The following TENM3 variants were observed in gnomAD, a reference collection of about 807,000 sequenced individuals.
TENM3 encodes teneurin-3.
In TENM3, 63 loss-of-function variants were observed where a neutral mutation model predicts 255.1. The ratio of observed to expected loss-of-function variants is 0.25; its 90% CI spans 0.20 to 0.30. The LOEUF (loss-of-function observed/expected upper bound fraction) is 0.30, where lower values mean the gene tolerates loss of function less well. Among genes scored for constraint, TENM3 ranks in the 10% least tolerant of loss-of-function variants. The pLI is 1.00. For missense variants in TENM3, 2,929 were observed against 3,461.1 expected (o/e 0.85, Z 3.86); for synonymous variants, 1,306 against 1,322.3 (o/e 0.99, Z 0.27).
At chr4:181,788,247 C>A in the TENM3 span, among the ~76,000 whole-genome samples, 2 of 152,090 alleles carry the variant, frequency 1.3e-5, no homozygotes, top group Non-Finnish European at 2.9e-5. Flanking sequence ...CCTTATTTGC[C>A]TCTGATCTTG....
chr4:181,592,626 C>G, the TENM3 span, among the ~76,000 whole-genome samples: 1 of 147,870 alleles, frequency 6.8e-6, no homozygotes. Context: ...AGTCAAGTCT[C>G]TGAAGTTACT....
At chr4:182,685,684 C>G (rs1756516968) in intron 11 of TENM3, among the ~76,000 whole-genome samples, 2 of 151,960 alleles carry the variant, frequency 1.3e-5, no homozygotes, top group South Asian at 2.1e-4. Context: ...TCTCTTAGGC[C>G]TCCATCAGTA....
At chr4:181,594,644 C>T in the TENM3 span, among the ~76,000 whole-genome samples, 3 of 152,150 alleles carry the variant, frequency 2.0e-5, no homozygotes, top group Non-Finnish European at 4.4e-5. Flanking sequence ...TCAACGGGTT[C>T]CATGGTTCTT....
the TENM3 span, among the ~76,000 whole-genome samples, chr4:181,702,513 T>G: frequency 6.6e-6 from 1 of 152,186 alleles, no homozygotes; most frequent in Admixed American, 6.5e-5. Flanking sequence ...TTTGTCAGAA[T>G]GGAGAAAGTA....
At chr4:181,615,100 A>G in the TENM3 span, among the ~76,000 whole-genome samples, 2 of 152,158 alleles carry the variant, frequency 1.3e-5, no homozygotes, top group Non-Finnish European at 2.9e-5. Flanking sequence ...ATTTGTGAAC[A>G]TTTGTATTTA....
rs1764577269 is a variant in TENM3, at chr4:182,775,133, G to A, written c.5284G>A (p.Val1762Ile). The A allele has an allele frequency of 6.2e-7, 1 of 1,613,926 alleles. No homozygotes were observed. Among genetic ancestry groups the A allele is most frequent in the South Asian group, 1.1e-5 (1 of 91,088 alleles). Residue 1762 changes from valine (V) to isoleucine (I), a missense_variant, in exon 24 of 28, where the codon GTC (valine) becomes ATC (isoleucine). Physicochemically the swap from Val to Ile is conservative, Grantham distance 29. This residue lies in a region of TENM3 where 303 missense variants were observed against 425.2 expected (regional missense o/e 0.71). Transcript: ENST00000511685. ...RKEQAQGKVNVFGRKLRVNGR... is the reference protein window; with the variant it reads ...RKEQAQGKVNIFGRKLRVNGR... ...AGAGCAAGCCCAAGGGAAAGTCAAT[G>A]TCTTTGGCCGCAAGCTCAGGGTACG...
At chr4:182,140,517 G>A (rs1032696238), upstream of TENM3, among the ~76,000 whole-genome samples, 5 of 151,998 alleles carry the variant, frequency 3.3e-5, no homozygotes, top group African/African-American at 1.2e-4. Flanking sequence ...CAGACAGGCC[G>A]CTCATGCCTC....
At chr4:182,169,606 C>T (rs961995153) in intron 1 of TENM3, among the ~76,000 whole-genome samples, 2 of 152,184 alleles carry the variant, frequency 1.3e-5, no homozygotes. Context: ...TAATGAGAAA[C>T]GTGTGACTCT....
At chr4:182,139,475 T>A (rs1442219724), upstream of TENM3, among the ~76,000 whole-genome samples, 2 of 152,190 alleles carry the variant, frequency 1.3e-5, no homozygotes, top group East Asian at 1.9e-4. Context: ...GACTAAAAAA[T>A]TGTCCTGTAG....
the TENM3 span, among the ~76,000 whole-genome samples, chr4:181,636,333 G>A: frequency 2.0e-5 from 3 of 152,092 alleles, no homozygotes; most frequent in African/African-American, 4.8e-5. Context: ...GTGAGCCACC[G>A]CCCATGGCCA....
intron 3 of TENM3, among the ~76,000 whole-genome samples, chr4:182,399,714 A>T (rs1769098709): frequency 6.6e-6 from 1 of 152,226 alleles, no homozygotes; most frequent in African/African-American, 2.4e-5. Context: ...GATGAAAAAC[A>T]TACCCCAAAC....
At chr4:182,763,983 A>T (rs975450530) in intron 22 of TENM3, among the ~76,000 whole-genome samples, 2 of 152,226 alleles carry the variant, frequency 1.3e-5, no homozygotes, top group African/African-American at 4.8e-5. Flanking sequence ...TTAATGTTTA[A>T]AGTGTACCCC....
At chr4:181,874,285 T>A in the TENM3 span, among the ~76,000 whole-genome samples, 1 of 152,240 alleles carries the variant, frequency 6.6e-6, no homozygotes, top group Non-Finnish European at 1.5e-5. Flanking sequence ...ATTTTCTTTA[T>A]TTTTTATCTA....
intron 3 of TENM3, among the ~76,000 whole-genome samples, chr4:182,411,665 C>A (rs1197673863): frequency 1.3e-5 from 2 of 152,138 alleles, no homozygotes; most frequent in South Asian, 4.2e-4. Context: ...AGGGGAGGGG[C>A]GTGGAACTTT....
the TENM3 span, among the ~76,000 whole-genome samples, chr4:181,825,596 T>G: frequency 6.6e-6 from 1 of 152,096 alleles, no homozygotes; most frequent in East Asian, 1.9e-4. Context: ...AATTTGGAAT[T>G]TGGATATTTG....
chr4:181,581,979 T>C, the TENM3 span, among the ~76,000 whole-genome samples: 1 of 152,194 alleles, frequency 6.6e-6, no homozygotes, highest in African/African-American at 2.4e-5. Context: ...GCGATCTGCC[T>C]GCCTCGGCCT....
chr4:181,728,831 T>G, the TENM3 span, among the ~76,000 whole-genome samples: 1 of 152,062 alleles, frequency 6.6e-6, no homozygotes, highest in Non-Finnish European at 1.5e-5. Context: ...CAAGATGGAG[T>G]CGCTCTGGTT....
At chr4:182,032,038 C>A in the TENM3 span, among the ~76,000 whole-genome samples, 1 of 152,114 alleles carries the variant, frequency 6.6e-6, no homozygotes, top group East Asian at 1.9e-4. Context: ...TCTGAACACC[C>A]TTTATTTTTT....
chr4:181,924,513 A>C, the TENM3 span, among the ~76,000 whole-genome samples: 1 of 152,196 alleles, frequency 6.6e-6, no homozygotes. Flanking sequence ...AATATTCAAA[A>C]TACTGTATTT....
Sources: allele counts gnomAD v4.1 joint callset (sites outside exome capture counted in the v4.1 genomes callset), GRCh38; gene constraint gnomAD v4.1.1; regional missense constraint gnomAD v4.1.1; transcripts MANE v1.5; gene names NCBI Gene and HGNC (gene_info 2026-07-23, HGNC 2026-07-21).